Variants in UNC5D observed in about 807,000 individuals in gnomAD.
The protein encoded by UNC5D is netrin receptor UNC5D.
A neutral mutation model predicts 105.4 loss-of-function variants in UNC5D; 39 were observed. That is an observed-to-expected ratio of 0.37 (90% CI 0.29 to 0.48). The LOEUF is 0.48. UNC5D is among the 20% of genes least tolerant of loss of function. The pLI is 0.98. For synonymous variants in UNC5D, 452 were observed against 450.4 expected, an observed-to-expected ratio of 1.00 and a Z score of -0.04; for missense variants, 991 against 1,202.4, an observed-to-expected ratio of 0.82 and a Z score of 2.60.
chr8:35,515,517 T>C (rs1013303916), intron 1 of UNC5D, among the ~76,000 whole-genome samples: 1 of 152,116 alleles, frequency 6.6e-6, no homozygotes, highest in African/African-American at 2.4e-5. Flanking sequence ...AAACCTCGTC[T>C]CTACTAAAAA....
In UNC5D at chr8:35,750,861, T is replaced by G; in HGVS notation, c.2163+52T>G. 2 of 1,603,000 alleles carry G rather than the reference T, an allele frequency of 1.2e-6. 1 individual carries two copies. Among genetic ancestry groups the G allele is most frequent in the South Asian group, 2.2e-5 (2 of 90,814 alleles). Reference sequence around the variant, plus strand: ...TTTGGTGTCATGAAAGTGTGTGTTTTCCAAAAGATCAGTATCAATTGAAAA... The same window carrying G: ...TTTGGTGTCATGAAAGTGTGTGTTTGCCAAAAGATCAGTATCAATTGAAAA... On this transcript the variant is annotated intron_variant, in intron 13 of 16. Transcript: ENST00000404895.
chr8:35,525,607 C>T (rs1194132003), intron 1 of UNC5D: 31 of 1,613,244 alleles, frequency 1.9e-5, no homozygotes, highest in Middle Eastern at 3.6e-4. Context: ...AAGATGTCTG[C>T]ATGGTTGGGC....
chr8:35,576,022 T>C (rs1448016431), intron 3 of UNC5D, among the ~76,000 whole-genome samples: 1 of 152,206 alleles, frequency 6.6e-6, no homozygotes, highest in Non-Finnish European at 1.5e-5. Flanking sequence ...GGTACTGTTT[T>C]CTCACCAGGC....
At chr8:35,687,223 C>T (rs1021363280) in intron 7 of UNC5D, among the ~76,000 whole-genome samples, 44 of 152,226 alleles carry the variant, frequency 2.9e-4, no homozygotes, top group Non-Finnish European at 4.0e-4. Context: ...GCAGGCGGAT[C>T]GCGAGGTCAG....
intron 14 of UNC5D, among the ~76,000 whole-genome samples, chr8:35,761,213 G>A (rs1355468614): frequency 6.6e-6 from 1 of 152,152 alleles, no homozygotes; most frequent in East Asian, 1.9e-4. Context: ...GTTAAAACAA[G>A]TCCTGATAGT....
intron 1 of UNC5D, among the ~76,000 whole-genome samples, chr8:35,312,310 C>T (rs1808952517): frequency 6.6e-6 from 1 of 152,134 alleles, no homozygotes; most frequent in Non-Finnish European, 1.5e-5. Context: ...CATTCACTAC[C>T]ATTTGAAAAT....
At chr8:35,249,687 T>C (rs1391753183) in intron 1 of UNC5D, among the ~76,000 whole-genome samples, 1 of 152,066 alleles carries the variant, frequency 6.6e-6, no homozygotes, top group Non-Finnish European at 1.5e-5. Flanking sequence ...CTTGTGACCA[T>C]AATAACGTGC....
intron 8 of UNC5D, among the ~76,000 whole-genome samples, chr8:35,710,110 G>C (rs1410592509): frequency 6.6e-6 from 1 of 151,918 alleles, no homozygotes; most frequent in Non-Finnish European, 1.5e-5. Flanking sequence ...TAGGGAACCA[G>C]GGCAGAAGCA....
chr8:35,646,483 A>C (rs1823057347), intron 4 of UNC5D, among the ~76,000 whole-genome samples: 1 of 152,058 alleles, frequency 6.6e-6, no homozygotes, highest in Admixed American at 6.6e-5. Context: ...CACTGCCTCA[A>C]CCCAGTCCTG....
intron 16 of UNC5D, among the ~76,000 whole-genome samples, chr8:35,774,911 A>T (rs1448111112): frequency 7.9e-6 from 1 of 127,044 alleles, no homozygotes; most frequent in Non-Finnish European, 1.5e-5. Context: ...TGGGCAACAG[A>T]GTAAGACCCT....
At chr8:35,278,885 C>G (rs944461914) in intron 1 of UNC5D, among the ~76,000 whole-genome samples, 1 of 152,122 alleles carries the variant, frequency 6.6e-6, no homozygotes, top group Non-Finnish European at 1.5e-5. Flanking sequence ...TCCTCATTTT[C>G]CCACCTCTCT....
chr8:35,619,102 A>T (rs1821199969), intron 4 of UNC5D, among the ~76,000 whole-genome samples: 2 of 152,244 alleles, frequency 1.3e-5, no homozygotes, highest in African/African-American at 2.4e-5. Flanking sequence ...GTTCCTGACA[A>T]GCTCAAGCAT....
Position 35,595,560 on chromosome 8 carries a change from G to T in UNC5D, c.473G>T (p.Arg158Leu), listed in dbSNP as rs751720393. Residue 158 changes from arginine (R) to leucine (L), a missense_variant, in exon 4 of 17, where the codon CGG (arginine) becomes CTG (leucine). Arg to Leu is a moderately radical substitution (Grantham distance 102, BLOSUM62 -2). Coordinates refer to ENST00000404895, the MANE Select transcript of UNC5D (RefSeq NM_080872.4). ...RKASVRIAYL[R>L]KNFEQDPQGR... ...ATCTCATGCTTCTTTGCAGATTTAC[G>T]GAAAAACTTTGAACAAGACCCACAA... 1.9e-6 allele frequency: 3 copies of T among 1,613,860 alleles called. No homozygotes were observed.
intron 11 of UNC5D, among the ~76,000 whole-genome samples, chr8:35,735,128 C>G (rs1417040552): frequency 6.6e-6 from 1 of 152,080 alleles, no homozygotes; most frequent in Non-Finnish European, 1.5e-5. Flanking sequence ...ATTAAAAAAT[C>G]AACAATGTCA....
At chr8:35,751,355 A>G (rs928181108) in intron 13 of UNC5D, among the ~76,000 whole-genome samples, 2 of 152,206 alleles carry the variant, frequency 1.3e-5, no homozygotes, top group Non-Finnish European at 2.9e-5. Context: ...AGAATCTTGT[A>G]GCCTCCAGCT....
intron 3 of UNC5D, among the ~76,000 whole-genome samples, chr8:35,571,102 C>T (rs1817691731): frequency 6.6e-6 from 1 of 152,150 alleles, no homozygotes; most frequent in African/African-American, 2.4e-5. Flanking sequence ...TTTTTCTCCT[C>T]AGCCTCCCAA....
At chr8:35,744,574 G>T (rs1159758108) in intron 11 of UNC5D, among the ~76,000 whole-genome samples, 1 of 152,070 alleles carries the variant, frequency 6.6e-6, no homozygotes, top group Non-Finnish European at 1.5e-5. Flanking sequence ...CTTATAGTAT[G>T]ACTCAATGGG....
chr8:35,374,535 C>A (rs1287017921), intron 1 of UNC5D, among the ~76,000 whole-genome samples: 1 of 152,150 alleles, frequency 6.6e-6, no homozygotes, highest in South Asian at 2.1e-4. Flanking sequence ...TGAGACTAGA[C>A]CAAAAGGAGA....
intron 1 of UNC5D, among the ~76,000 whole-genome samples, chr8:35,390,489 GA>G (rs71541898): frequency 0.33 from 49,971 of 149,250 alleles, 9,834 homozygotes; most frequent in Middle Eastern, 0.46. Flanking sequence ...TACAATAGCA[GA>G]AAAAAAAAAT....
Sources: gnomAD v4.1 joint callset for allele counts (sites outside exome capture counted in the v4.1 genomes callset) on GRCh38, gnomAD v4.1.1 for gene constraint, MANE v1.5 for transcripts, NCBI Gene and HGNC (gene_info 2026-07-23, HGNC 2026-07-21) for gene names.